Variants in ARNT2 observed in about 807,000 individuals in gnomAD.
ARNT2 encodes aryl hydrocarbon receptor nuclear translocator 2.
ARNT2 carries 36 observed loss-of-function variants against 91.7 expected under a neutral mutation model. The observed-to-expected ratio is 0.39, with a 90% CI of 0.30 to 0.52. The LOEUF (loss-of-function observed/expected upper bound fraction) is 0.52. Among genes scored for constraint, ARNT2 ranks in the 20% least tolerant of loss-of-function variants. ARNT2 has a pLI of 0.72. For synonymous variants in ARNT2, 365 were observed against 347.1 expected (o/e 1.05, Z -0.57); for missense variants, 775 against 939.3 (o/e 0.83, Z 2.29).
chr15:80,508,378 A>T (rs1201712477), intron 6 of ARNT2, 120 bp downstream of exon 6: 1 of 881,806 alleles, frequency 1.1e-6, no homozygotes, highest in Non-Finnish European at 1.8e-6. Context: ...CACTCCAGGG[A>T]CTTCGTCTTC....
intron 8 of ARNT2, among the ~76,000 whole-genome samples, chr15:80,536,154 G>A (rs554325933): frequency 1.3e-5 from 2 of 152,330 alleles, no homozygotes; most frequent in East Asian, 1.9e-4. Context: ...ACAGAGGCAC[G>A]TGGAGTGAGG....
intron 12 of ARNT2, among the ~76,000 whole-genome samples, chr15:80,572,629 A>G (rs73494760): frequency 0.067 from 10,198 of 152,182 alleles, 1,011 homozygotes; most frequent in African/African-American, 0.22. Flanking sequence ...CATGGGTGAA[A>G]AAAGTGGGAC....
At chr15:80,444,014 A>G (rs1036564219) in intron 1 of ARNT2, among the ~76,000 whole-genome samples, 1 of 152,192 alleles carries the variant, frequency 6.6e-6, no homozygotes, top group African/African-American at 2.4e-5. Flanking sequence ...GAATGTGTTC[A>G]TGTTTCTATG....
At chr15:80,475,954 A>G (rs1896797283) in intron 5 of ARNT2, among the ~76,000 whole-genome samples, 1 of 152,230 alleles carries the variant, frequency 6.6e-6, no homozygotes, top group African/African-American at 2.4e-5. Flanking sequence ...AGTATACACA[A>G]TCATGCAATT....
intron 1 of ARNT2, among the ~76,000 whole-genome samples, chr15:80,429,775 T>C (rs1482950391): frequency 6.6e-6 from 1 of 152,098 alleles, no homozygotes; most frequent in East Asian, 1.9e-4. Context: ...TTGTAGGAGA[T>C]GCAGTTGGTG....
intron 8 of ARNT2, among the ~76,000 whole-genome samples, chr15:80,549,872 G>T (rs1444977475): frequency 3.3e-5 from 5 of 152,172 alleles, no homozygotes; most frequent in African/African-American, 1.2e-4. Flanking sequence ...ACGCACTTCT[G>T]ATGATAATAA....
chr15:80,421,996 G>T lies in ARNT2; in HGVS notation c.31+17450G>T, dbSNP rs185520164. The stretch of plus-strand genomic sequence containing the variant: ...AGATGAATAGAGAATTAATGACTTA[G>T]AAAGTAGAATGAAAGAAATTACAGA... On this transcript the variant is annotated intron_variant, in intron 1 of 18. Transcript: ENST00000303329. Among the ~76,000 whole-genome samples the T allele has an allele frequency of 1.5e-3, 226 of 152,324 alleles. 1 individual carries two copies. The highest frequency in any genetic ancestry group is 5.3e-3 in the African/African-American group (221 of 41,580).
At chr15:80,453,031 C>G (rs1896424547) in intron 2 of ARNT2, among the ~76,000 whole-genome samples, 1 of 152,180 alleles carries the variant, frequency 6.6e-6, no homozygotes, top group African/African-American at 2.4e-5. Context: ...CTTGGCCTCC[C>G]AAAGTGTTGG....
chr15:80,518,649 A>C (rs1897481960), intron 8 of ARNT2, among the ~76,000 whole-genome samples: 1 of 152,094 alleles, frequency 6.6e-6, no homozygotes, highest in African/African-American at 2.4e-5. Context: ...TTGATGTGGG[A>C]TGAGGAGTTG....
At chr15:80,428,877 A>G (rs1421979790) in intron 1 of ARNT2, among the ~76,000 whole-genome samples, 1 of 152,230 alleles carries the variant, frequency 6.6e-6, no homozygotes, top group Non-Finnish European at 1.5e-5. Flanking sequence ...TGACTCCTCA[A>G]TGTTCATTCG....
intron 18 of ARNT2, among the ~76,000 whole-genome samples, chr15:80,592,994 T>C (rs551702741): frequency 8.2e-4 from 125 of 152,336 alleles, no homozygotes; most frequent in African/African-American, 2.9e-3. Flanking sequence ...AGAATTCTTT[T>C]CTCACAGAGT....
At chr15:80,521,493 T>G (rs1897544933) in intron 8 of ARNT2, among the ~76,000 whole-genome samples, 2 of 152,178 alleles carry the variant, frequency 1.3e-5, no homozygotes, top group Non-Finnish European at 1.5e-5. Flanking sequence ...AATCATGATA[T>G]TGAATAAATT....
chr15:80,439,666 T>A (rs1365542672), intron 1 of ARNT2, among the ~76,000 whole-genome samples: 2 of 152,262 alleles, frequency 1.3e-5, no homozygotes, highest in African/African-American at 4.8e-5. Context: ...TCTGTTCAAC[T>A]TCCAACTGCC....
chr15:80,531,166 T>A (rs962981688), intron 8 of ARNT2, among the ~76,000 whole-genome samples: 2 of 152,208 alleles, frequency 1.3e-5, no homozygotes, highest in African/African-American at 2.4e-5. Context: ...TCAATTCACA[T>A]GTGACAATGT....
intron 1 of ARNT2, among the ~76,000 whole-genome samples, chr15:80,425,207 A>G (rs1372215987): frequency 6.6e-6 from 1 of 152,226 alleles, no homozygotes; most frequent in Non-Finnish European, 1.5e-5. Context: ...TCACAACAAG[A>G]ATACCCTTTG....
At chr15:80,430,729 G>C (rs563885825) in intron 1 of ARNT2, among the ~76,000 whole-genome samples, 1 of 152,310 alleles carries the variant, frequency 6.6e-6, no homozygotes, top group East Asian at 1.9e-4. Flanking sequence ...TAGTGACAGA[G>C]AAGTAATCGG....
At chr15:80,584,257 G>T (rs1898851591) in intron 17 of ARNT2, among the ~76,000 whole-genome samples, 2 of 152,184 alleles carry the variant, frequency 1.3e-5, no homozygotes, top group African/African-American at 4.8e-5. Flanking sequence ...AGGTGTTGGG[G>T]TTCACATCAG....
intron 5 of ARNT2, among the ~76,000 whole-genome samples, chr15:80,486,635 T>C (rs1409771901): frequency 2.0e-5 from 3 of 152,208 alleles, no homozygotes; most frequent in Non-Finnish European, 1.5e-5. Context: ...CTTCCTTTGA[T>C]GTTTATGCAT....
Position 80,514,417 on chromosome 15 carries a change from T to A in ARNT2, c.877+12T>A, listed in dbSNP as rs774829772. The A allele has an allele frequency of 2.5e-6, 4 of 1,612,882 alleles. No homozygotes were observed. The highest frequency in any genetic ancestry group is 1.1e-5 in the South Asian group (1 of 91,060). On this transcript the variant is annotated intron_variant, in intron 8 of 18. Coordinates refer to ENST00000303329, the MANE Select transcript of ARNT2 (RefSeq NM_014862.4). ...CTGGCCACCAGCAGGTAAGGAGACC[T>A]GCATGTAAATTCCACGGGAACTGGG... is the stretch of plus-strand genomic sequence containing the variant.
Sources: allele counts gnomAD v4.1 joint callset (sites outside exome capture counted in the v4.1 genomes callset), GRCh38; gene constraint gnomAD v4.1.1; transcripts MANE v1.5; gene names NCBI Gene and HGNC (gene_info 2026-07-23, HGNC 2026-07-21).